The following PTPN20 variants were observed in gnomAD, a reference collection of about 807,000 sequenced individuals.
PTPN20 encodes the protein protein tyrosine phosphatase non-receptor type 20.
In PTPN20, 9 loss-of-function variants were observed where a neutral mutation model predicts 35.0. The observed-to-expected ratio is 0.26, with a 90% confidence interval of 0.15 to 0.45. PTPN20 has a LOEUF of 0.45. Ranked by LOEUF, PTPN20 falls within the 20% of genes least tolerant of loss-of-function variation. PTPN20 has a pLI of 1.00. For synonymous variants in PTPN20, 32 were observed against 100.2 expected (o/e 0.32, Z 4.06); for missense variants, 111 against 312.5 (o/e 0.36, Z 4.86).
At chr10:46,953,677 CT>C (rs1195868793) in intron 5 of PTPN20, among the ~76,000 whole-genome samples, 2 of 138,958 alleles carry the variant, frequency 1.4e-5, no homozygotes, top group African/African-American at 3.1e-5. Context: ...TATAGTTTTT[CT>C]TTTTTTTGCC....
intron 6 of PTPN20, among the ~76,000 whole-genome samples, chr10:46,965,945 C>CATTTTTTTT (rs2050473962): frequency 3.5e-5 from 1 of 28,312 alleles, no homozygotes; most frequent in Non-Finnish European, 5.2e-5. Context: ...TGAGATGAGT[C>CATTTTTTTT]TTGCTCTTGT....
At chr10:46,929,411 T>C (rs1338076349) in intron 1 of PTPN20, among the ~76,000 whole-genome samples, 1 of 151,028 alleles carries the variant, frequency 6.6e-6, no homozygotes, top group African/African-American at 2.5e-5. Flanking sequence ...ACCTTTATCT[T>C]ACGAACCTGA....
chr10:46,998,430 G>A (rs1442153512), intron 9 of PTPN20, among the ~76,000 whole-genome samples: 1 of 152,118 alleles, frequency 6.6e-6, no homozygotes, highest in South Asian at 2.1e-4. Flanking sequence ...ATTTCTTCTT[G>A]AAATAGCAAA....
chr10:46,998,619 A>C (rs1211165823), intron 9 of PTPN20, among the ~76,000 whole-genome samples: 3 of 137,130 alleles, frequency 2.2e-5, no homozygotes, highest in Non-Finnish European at 4.9e-5. Flanking sequence ...CTGTGCATGC[A>C]CACATGCACA....
chr10:46,968,717 T>G (rs1268434663), intron 7 of PTPN20, among the ~76,000 whole-genome samples: 1,740 of 149,942 alleles, frequency 0.012, 3 homozygotes, highest in Middle Eastern at 0.051. Flanking sequence ...AATTTACTAT[T>G]TTACTTCCTC....
At chr10:46,978,992 A>G (rs1351022380) in intron 7 of PTPN20, among the ~76,000 whole-genome samples, 2 of 151,834 alleles carry the variant, frequency 1.3e-5, no homozygotes, top group Admixed American at 6.6e-5. Context: ...GAACCATAGG[A>G]ACAGAGAATC....
At chr10:46,991,578 A>C (rs1240865066) in intron 9 of PTPN20, among the ~76,000 whole-genome samples, 1 of 113,128 alleles carries the variant, frequency 8.8e-6, no homozygotes, top group African/African-American at 3.4e-5. Flanking sequence ...TTTCATTTCC[A>C]CATTTAGCAC....
At chr10:46,939,838 A>G (rs1295019033) in intron 2 of PTPN20, among the ~76,000 whole-genome samples, 25 of 151,366 alleles carry the variant, frequency 1.7e-4, no homozygotes, top group African/African-American at 6.1e-4. Context: ...ATAAAGGTTC[A>G]TAATTTCTAT....
chr10:46,982,822 TATG>T (rs1488760283), intron 7 of PTPN20, among the ~76,000 whole-genome samples: 1 of 152,126 alleles, frequency 6.6e-6, no homozygotes, highest in Admixed American at 6.5e-5. Flanking sequence ...TCTACATAAA[TATG>T]ATGAAAGATC....
intron 3 of PTPN20, among the ~76,000 whole-genome samples, chr10:46,941,347 T>C (rs1191728585): frequency 1.5e-5 from 2 of 134,598 alleles, no homozygotes; most frequent in Non-Finnish European, 3.1e-5. Context: ...CCCTGTTCAA[T>C]TGCCACCTCC....
chr10:46,937,932 C>CTTTTTTCTTTTTCTTTTCTTTTTTTTT (rs1174507663), intron 2 of PTPN20, among the ~76,000 whole-genome samples: 1 of 131,722 alleles, frequency 7.6e-6, no homozygotes, highest in Admixed American at 7.6e-5. Flanking sequence ...TTTTTTTCTT[C>CTTTTTTCTTTTTCTTTTCTTTTTTTTT]TTTTTTCTTT....
At chr10:46,920,241 T>C (rs1249447230) in intron 1 of PTPN20, among the ~76,000 whole-genome samples, 1 of 81,406 alleles carries the variant, frequency 1.2e-5, no homozygotes, top group Non-Finnish European at 2.3e-5. Context: ...TATAGCTTGA[T>C]AGCTTATTGT....
Position 46,994,508 on chromosome 10 carries a change from A to AT in PTPN20, c.1135-5397dup, listed in dbSNP as rs1252546146. Among the ~76,000 whole-genome samples the AT allele has an allele frequency of 2.3e-3, 350 of 150,286 alleles. 3 individuals carry two copies. The highest frequency in any genetic ancestry group is 8.1e-3 in the African/African-American group (332 of 40,914). On this transcript the variant is annotated intron_variant, in intron 9 of 10. Coordinates refer to ENST00000374339, the MANE Select transcript of PTPN20 (RefSeq NM_001042357.5). Reference sequence around the variant, plus strand: ...CATCACGCCCGGCTAATTTTTTTGTATTTTTTTAGTAGAGACGGGGTTTCA... The same window carrying AT: ...CATCACGCCCGGCTAATTTTTTTGTATTTTTTTTAGTAGAGACGGGGTTTCA...
chr10:47,003,598 G>A (rs2060137707), downstream of PTPN20, among the ~76,000 whole-genome samples: 1 of 152,008 alleles, frequency 6.6e-6, no homozygotes, highest in African/African-American at 2.4e-5. Flanking sequence ...TGGCCCACAG[G>A]CCATATCTGA....
intron 2 of PTPN20, among the ~76,000 whole-genome samples, chr10:46,935,306 G>GTTTTTTTTTTTTTTTTTTTTTTTTTT (rs71465454): frequency 9.3e-6 from 1 of 107,510 alleles, no homozygotes. Flanking sequence ...ATTTCATTCT[G>GTTTTTTTTTTTTTTTTTTTTTTTTTT]TTTTTTTTTT....
At chr10:46,997,542 CGTT>C (rs1176981916) in intron 9 of PTPN20, among the ~76,000 whole-genome samples, 4 of 150,410 alleles carry the variant, frequency 2.7e-5, no homozygotes, top group Admixed American at 1.3e-4. Context: ...TGAGAGCAGG[CGTT>C]GTTGCCATCA....
At chr10:46,968,526 C>T (rs2051376518) in intron 7 of PTPN20, among the ~76,000 whole-genome samples, 1 of 152,172 alleles carries the variant, frequency 6.6e-6, no homozygotes, top group South Asian at 2.1e-4. Flanking sequence ...ACATTGCTTC[C>T]CTGTGTTGGA....
chr10:46,922,964 T>C (rs1474042311), intron 1 of PTPN20, among the ~76,000 whole-genome samples: 2 of 130,076 alleles, frequency 1.5e-5, no homozygotes, highest in East Asian at 2.2e-4. Flanking sequence ...ATTTAGGTGA[T>C]TTAGGAGATG....
Position 47,000,695 on chromosome 10 carries a change from AC to A in PTPN20, c.1218del (p.Tyr406Ter). The A allele has an allele frequency of 6.2e-7, 1 of 1,613,476 alleles. No individual in the cohort carries two copies. The highest frequency in any genetic ancestry group is 8.5e-7 in the Non-Finnish European group (1 of 1,179,544). On this transcript the variant is annotated frameshift_variant, in exon 11 of 11. Transcript: ENST00000374339. LOFTEE classifies it high-confidence loss of function. Reference sequence around the variant, plus strand: ...ATATAGGAGCAGTATCACTTTTGTTACGATATTGTGCTTGAAGTTCTTCGGA... The same window carrying A: ...ATATAGGAGCAGTATCACTTTTGTTAGATATTGTGCTTGAAGTTCTTCGGA... ...VQTKEQYHFC[Y>X]DIVLEVLRKL...
Sources: allele counts gnomAD v4.1 joint callset (sites outside exome capture counted in the v4.1 genomes callset), GRCh38; gene constraint gnomAD v4.1.1; transcripts MANE v1.5; gene names NCBI Gene and HGNC (gene_info 2026-07-23, HGNC 2026-07-21).